The following ZNF385B variants were observed in gnomAD, a reference collection of about 807,000 sequenced individuals.
ZNF385B encodes the protein zinc finger protein 533.
A neutral mutation model predicts 39.2 loss-of-function variants in ZNF385B; 23 were observed. The observed-to-expected ratio is 0.59, with a 90% CI of 0.42 to 0.83. The LOEUF (loss-of-function observed/expected upper bound fraction) is 0.83. ZNF385B is among the 40% of genes least tolerant of loss of function. The pLI is 0.00. For synonymous variants in ZNF385B, 205 were observed against 222.6 expected, an observed-to-expected ratio of 0.92 and a Z score of 0.70; for missense variants, 552 against 598.9, an observed-to-expected ratio of 0.92 and a Z score of 0.82.
chr2:179,636,305 T>C (rs1575053185), intron 3 of ZNF385B, among the ~76,000 whole-genome samples: 2 of 152,168 alleles, frequency 1.3e-5, no homozygotes, highest in African/African-American at 4.8e-5. Context: ...GAGTGTGTGG[T>C]AGAATCTAGA....
chr2:179,827,257 A>T (rs1258603686), intron 1 of ZNF385B, among the ~76,000 whole-genome samples: 1 of 152,144 alleles, frequency 6.6e-6, no homozygotes, highest in Non-Finnish European at 1.5e-5. Flanking sequence ...TATTTTGGAG[A>T]CAGTGTGATA....
At chr2:179,737,395 CT>C (rs35741676) in intron 3 of ZNF385B, among the ~76,000 whole-genome samples, 4 of 151,436 alleles carry the variant, frequency 2.6e-5, no homozygotes, top group South Asian at 2.1e-4. Flanking sequence ...CAGAAACTCC[CT>C]TTTTTTTTCC....
chr2:179,584,200 G>A (rs549765203), intron 3 of ZNF385B: 34 of 331,696 alleles, frequency 1.0e-4, no homozygotes, highest in African/African-American at 6.9e-4. Flanking sequence ...TAGGGATGTA[G>A]GCAGCATCCC....
intron 1 of ZNF385B, among the ~76,000 whole-genome samples, chr2:179,799,278 A>G (rs890584540): frequency 6.6e-6 from 1 of 152,186 alleles, no homozygotes; most frequent in African/African-American, 2.4e-5. Flanking sequence ...TTTTAAAAGC[A>G]TACCTCAAGC....
intron 1 of ZNF385B, among the ~76,000 whole-genome samples, chr2:179,852,018 T>A (rs1684206346): frequency 6.6e-6 from 1 of 152,222 alleles, no homozygotes; most frequent in African/African-American, 2.4e-5. Context: ...AATTTAAACC[T>A]TGCTTATGTA....
At chr2:179,583,998 A>C in intron 3 of ZNF385B, 7 of 1,212,546 alleles carry the variant, frequency 5.8e-6, no homozygotes, top group Non-Finnish European at 7.7e-6. Flanking sequence ...TGTGCCAAAC[A>C]ACCTGCTACT....
intron 3 of ZNF385B, among the ~76,000 whole-genome samples, chr2:179,557,508 A>G (rs2060989668): frequency 6.7e-6 from 1 of 149,250 alleles, no homozygotes; most frequent in Non-Finnish European, 1.5e-5. Flanking sequence ...TATATAACAT[A>G]TATACATGTT....
At chr2:179,599,012 T>C (rs536707867) in intron 3 of ZNF385B, among the ~76,000 whole-genome samples, 4 of 152,302 alleles carry the variant, frequency 2.6e-5, no homozygotes, top group South Asian at 2.1e-4. Flanking sequence ...AAGACATTTA[T>C]TGTGAAGAAT....
intron 3 of ZNF385B, among the ~76,000 whole-genome samples, chr2:179,570,251 A>G (rs1168266290): frequency 6.6e-6 from 1 of 152,152 alleles, no homozygotes; most frequent in African/African-American, 2.4e-5. Flanking sequence ...GACACAGAAC[A>G]TGGGAGGGGG....
At chr2:179,724,061 C>A (rs765138725) in intron 3 of ZNF385B, among the ~76,000 whole-genome samples, 1 of 152,168 alleles carries the variant, frequency 6.6e-6, no homozygotes, top group African/African-American at 2.4e-5. Flanking sequence ...GTAATCACAG[C>A]ACTTTGGGAG....
chr2:179,711,460 G>T (rs1371380314), intron 3 of ZNF385B, among the ~76,000 whole-genome samples: 3 of 152,192 alleles, frequency 2.0e-5, no homozygotes, highest in Non-Finnish European at 4.4e-5. Flanking sequence ...GTCCATTCGA[G>T]GGTATGCTGG....
At chr2:179,858,476 T>C (rs147531336) in intron 1 of ZNF385B, among the ~76,000 whole-genome samples, 2,158 of 150,986 alleles carry the variant, frequency 0.014, 59 homozygotes, top group African/African-American at 0.05. Context: ...AAGAAACAAC[T>C]GAATAAAAAG....
chr2:179,751,303 CATTAAT>C (rs1702658905), intron 3 of ZNF385B, among the ~76,000 whole-genome samples: 1 of 151,978 alleles, frequency 6.6e-6, no homozygotes, highest in African/African-American at 2.4e-5. Flanking sequence ...TTTCCATACT[CATTAAT>C]AATAAGTTCC....
Position 179,452,917 on chromosome 2 carries a change from A to C in ZNF385B, c.716-6147T>G, listed in dbSNP as rs115292888. On this transcript the variant is annotated intron_variant, in intron 6 of 9. Transcript: ENST00000410066. ...CCACTGGCATGGCTGTGATCCAGTA[A>C]AATTTTACTTATGAAAATAGGTGGC... Among the ~76,000 whole-genome samples the C allele has an allele frequency of 9.1e-3, 1,386 of 152,228 alleles. 20 individuals carry two copies. Among genetic ancestry groups the C allele is most frequent in the African/African-American group, 0.031 (1,296 of 41,536 alleles).
intron 1 of ZNF385B, among the ~76,000 whole-genome samples, chr2:179,843,397 G>A (rs936945741): frequency 2.6e-5 from 4 of 152,146 alleles, no homozygotes; most frequent in Non-Finnish European, 5.9e-5. Flanking sequence ...CCTTGAATAA[G>A]TTTAGATTCA....
intron 3 of ZNF385B, among the ~76,000 whole-genome samples, chr2:179,683,610 G>A (rs995764693): frequency 1.2e-4 from 18 of 151,706 alleles, no homozygotes; most frequent in African/African-American, 4.1e-4. Context: ...CGAGTAGCTG[G>A]GATTACAGGT....
intron 5 of ZNF385B, among the ~76,000 whole-genome samples, chr2:179,499,487 A>G (rs1351002149): frequency 1.3e-5 from 2 of 152,094 alleles, no homozygotes; most frequent in Non-Finnish European, 2.9e-5. Flanking sequence ...GGATGATTCA[A>G]CATATGCAAA....
chr2:179,821,264 T>C (rs1308549840), intron 1 of ZNF385B, among the ~76,000 whole-genome samples: 1 of 152,144 alleles, frequency 6.6e-6, no homozygotes, highest in Non-Finnish European at 1.5e-5. Context: ...ATGGAGTCAT[T>C]TGGGGGCAGT....
chr2:179,695,355 A>G (rs1404075233), intron 3 of ZNF385B, among the ~76,000 whole-genome samples: 1 of 152,206 alleles, frequency 6.6e-6, no homozygotes, highest in Non-Finnish European at 1.5e-5. Flanking sequence ...CATCAAAACT[A>G]AACAATGTTG....
Sources: allele counts gnomAD v4.1 joint callset (sites outside exome capture counted in the v4.1 genomes callset), GRCh38; gene constraint gnomAD v4.1.1; transcripts MANE v1.5; gene names NCBI Gene and HGNC (gene_info 2026-07-23, HGNC 2026-07-21).